SUFU: variants seen among roughly 807,000 people sequenced by gnomAD.
SUFU encodes the protein suppressor of fused homolog.
SUFU carries 7 observed loss-of-function variants against 58.9 expected under a neutral mutation model. The ratio of observed to expected loss-of-function variants is 0.12; its 90% CI spans 0.07 to 0.22. SUFU has a LOEUF of 0.22. SUFU is among the 10% of genes least tolerant of loss of function. The pLI, the probability that SUFU is intolerant of heterozygous loss-of-function variation, is 1.00. For missense variants in SUFU, 451 were observed against 641.3 expected, an observed-to-expected ratio of 0.70 and a Z score of 3.20; for synonymous variants, 232 against 254.8, an observed-to-expected ratio of 0.91 and a Z score of 0.85.
intron 8 of SUFU, among the ~76,000 whole-genome samples, chr10:102,602,038 A>C (rs2063518978): frequency 6.6e-6 from 1 of 152,210 alleles, no homozygotes; most frequent in Non-Finnish European, 1.5e-5. Context: ...GTGCCGGCCT[A>C]CTTGGGGGTG....
At chr10:102,595,748 G>C (rs1163169045) in intron 6 of SUFU, among the ~76,000 whole-genome samples, 2 of 152,288 alleles carry the variant, frequency 1.3e-5, no homozygotes, top group East Asian at 1.9e-4. Context: ...TGTATTCACT[G>C]TGCCTTTCTG....
chr10:102,523,005 G>C (rs1183015690), intron 2 of SUFU, among the ~76,000 whole-genome samples: 4 of 152,144 alleles, frequency 2.6e-5, no homozygotes, highest in African/African-American at 9.7e-5. Context: ...GAGGCCTAGT[G>C]GAGGGCTCTT....
intron 2 of SUFU, among the ~76,000 whole-genome samples, chr10:102,519,520 T>A (rs1195351823): frequency 1.0e-5 from 1 of 95,386 alleles, no homozygotes; most frequent in Non-Finnish European, 2.1e-5. Context: ...AGAGAGAAAC[T>A]CTGTCTCAAA....
intron 8 of SUFU, among the ~76,000 whole-genome samples, chr10:102,608,305 G>A (rs1345897443): frequency 1.3e-5 from 2 of 152,168 alleles, no homozygotes; most frequent in African/African-American, 4.8e-5. Flanking sequence ...GGGAGCATGG[G>A]AAAACAGTGA....
chr10:102,573,111 TC>T (rs887396544), intron 3 of SUFU: 2 of 777,994 alleles, frequency 2.6e-6, no homozygotes, highest in Non-Finnish European at 4.6e-6. Flanking sequence ...GTGCGGATCT[TC>T]TTTTTTTTGT....
intron 2 of SUFU, among the ~76,000 whole-genome samples, chr10:102,539,918 C>T (rs2062780620): frequency 6.6e-6 from 1 of 152,330 alleles, no homozygotes; most frequent in South Asian, 2.1e-4. Context: ...AGGTCCATTA[C>T]AATCAGTGTG....
chr10:102,525,649 C>T (rs1448515117), intron 2 of SUFU, among the ~76,000 whole-genome samples: 1 of 151,700 alleles, frequency 6.6e-6, no homozygotes, highest in Non-Finnish European at 1.5e-5. Context: ...ATTACAGGCA[C>T]GCAGTACCAT....
intron 2 of SUFU, among the ~76,000 whole-genome samples, chr10:102,517,935 G>A (rs771579848): frequency 2.0e-5 from 3 of 152,116 alleles, no homozygotes; most frequent in Non-Finnish European, 4.4e-5. Flanking sequence ...GAATCTGACC[G>A]AGCGCCTGCC....
chr10:102,551,118 G>A (rs2135745870), intron 3 of SUFU, among the ~76,000 whole-genome samples: 1 of 152,272 alleles, frequency 6.6e-6, no homozygotes, highest in Middle Eastern at 3.4e-3. Flanking sequence ...GAACCCCTCT[G>A]CCCGCATTTC....
intron 2 of SUFU, among the ~76,000 whole-genome samples, chr10:102,544,841 G>C (rs1317423050): frequency 6.6e-6 from 1 of 152,114 alleles, no homozygotes; most frequent in Non-Finnish European, 1.5e-5. Context: ...GTCTATTATG[G>C]ACATTTCATA....
chr10:102,617,630 G>C lies in SUFU; in HGVS notation c.1296+202G>C, dbSNP rs2063700837. 1 of 657,166 alleles carries C rather than the reference G, an allele frequency of 1.5e-6. No individual in the cohort carries two copies. Among genetic ancestry groups the C allele is most frequent in the African/African-American group, 1.8e-5 (1 of 54,752 alleles). The allele number at this position is 657,166 out of a possible 1,614,324, so 40.7% of individuals were successfully genotyped here. On this transcript the variant is annotated intron_variant, in intron 10 of 11. Coordinates refer to ENST00000369902, the MANE Select transcript of SUFU (RefSeq NM_016169.4). The surrounding 1 kb of genome is among the most constrained non-coding windows in gnomAD (Gnocchi z 4.4). ...CTCCAGCAGCTTAGGAGCACTTCCT[G>C]ACCTTCTCCCCCTGTCACCTGAGAC...
chr10:102,547,310 T>A (rs2062865182), intron 2 of SUFU, among the ~76,000 whole-genome samples: 1 of 152,212 alleles, frequency 6.6e-6, no homozygotes, highest in Non-Finnish European at 1.5e-5. Context: ...GAGGTAGCTC[T>A]TCCAACTTCA....
chr10:102,584,708 G>A (rs2063319091), intron 3 of SUFU, among the ~76,000 whole-genome samples: 1 of 152,044 alleles, frequency 6.6e-6, no homozygotes, highest in African/African-American at 2.4e-5. Context: ...GTGATATGAA[G>A]TTGCCTTTTC....
At chr10:102,569,221 C>G (rs944712393) in intron 3 of SUFU, among the ~76,000 whole-genome samples, 9 of 151,920 alleles carry the variant, frequency 5.9e-5, no homozygotes, top group African/African-American at 1.9e-4. Context: ...GCCCAGCTCT[C>G]CTTTTGAAGG....
intron 3 of SUFU, among the ~76,000 whole-genome samples, chr10:102,570,647 G>C (rs2063150905): frequency 6.6e-6 from 1 of 152,042 alleles, no homozygotes; most frequent in South Asian, 2.1e-4. Context: ...ATGCTTCCCA[G>C]GTCCTCCAGG....
intron 8 of SUFU, among the ~76,000 whole-genome samples, chr10:102,604,884 A>G (rs2063547722): frequency 7.1e-6 from 1 of 140,078 alleles, no homozygotes; most frequent in Non-Finnish European, 1.5e-5. Context: ...TCATGATCAC[A>G]TTTTACCTTT....
In SUFU at chr10:102,510,117, G is replaced by A. The variant is rs554504934; in HGVS notation, c.317+814G>A. Among the ~76,000 whole-genome samples the A allele has an allele frequency of 1.4e-3, 209 of 152,168 alleles. 1 individual carries two copies. Among genetic ancestry groups the A allele is most frequent in the African/African-American group, 4.8e-3 (201 of 41,522 alleles). On this transcript the variant is annotated intron_variant, in intron 2 of 11. Coordinates refer to ENST00000369902, the MANE Select transcript of SUFU (RefSeq NM_016169.4). Reference sequence around the variant, plus strand: ...CAGCTTCCCAAAGTGTCGGGATTATGGGTGTGAGCCACTGTGCCCAACTCA... The same window carrying A: ...CAGCTTCCCAAAGTGTCGGGATTATAGGTGTGAGCCACTGTGCCCAACTCA...
intron 2 of SUFU, among the ~76,000 whole-genome samples, chr10:102,544,876 T>G (rs2062837590): frequency 6.6e-6 from 1 of 152,204 alleles, no homozygotes; most frequent in Non-Finnish European, 1.5e-5. Flanking sequence ...CAATAGGTAG[T>G]CTTTTGTATC....
intron 3 of SUFU, among the ~76,000 whole-genome samples, chr10:102,555,391 C>T (rs563742204): frequency 6.7e-6 from 1 of 149,274 alleles, no homozygotes; most frequent in African/African-American, 2.5e-5. Context: ...ATGTCTTGCT[C>T]GTCCCTGAAT....
Sources: allele counts gnomAD v4.1 joint callset (sites outside exome capture counted in the v4.1 genomes callset), GRCh38; gene constraint gnomAD v4.1.1; non-coding constraint Gnocchi (gnomAD v3.1); transcripts MANE v1.5; gene names NCBI Gene and HGNC (gene_info 2026-07-23, HGNC 2026-07-21).